IL7: variants seen among roughly 807,000 people sequenced by gnomAD.
IL7 encodes interleukin 7, also known as interleukin-7.
In IL7, 3 loss-of-function variants were observed where a neutral mutation model predicts 21.6. The ratio of observed to expected loss-of-function variants is 0.14; its 90% confidence interval spans 0.06 to 0.36. IL7 has a LOEUF of 0.36. IL7 is among the 10% of genes least tolerant of loss of function. IL7 has a pLI of 1.00. For synonymous variants in IL7, 62 were observed against 68.1 expected, an observed-to-expected ratio of 0.91 and a Z score of 0.44; for missense variants, 175 against 200.2, an observed-to-expected ratio of 0.87 and a Z score of 0.76.
intron 1 of IL7, among the ~76,000 whole-genome samples, 195 bp downstream of exon 1, chr8:78,804,718 G>A (rs1233424834): frequency 6.6e-6 from 1 of 152,192 alleles, no homozygotes; most frequent in Non-Finnish European, 1.5e-5. Flanking sequence ...GCCGCCCCAG[G>A]TTCAAGTGGC....
At chr8:78,692,157 CT>C (rs966536410) in intron 3 of IL7, among the ~76,000 whole-genome samples, 3 of 152,118 alleles carry the variant, frequency 2.0e-5, no homozygotes, top group Non-Finnish European at 4.4e-5. Flanking sequence ...AAACTTACCC[CT>C]TTGACCATCA....
At chr8:78,717,360 G>A (rs1400971480), downstream of IL7, 2 of 1,611,538 alleles carry the variant, frequency 1.2e-6, no homozygotes, top group Non-Finnish European at 1.7e-6. Context: ...TCCCTTAATG[G>A]TGGAAATATT....
rs139244633 is a variant in IL7 at position 78,737,181 on chromosome 8, A to G, written c.361-654T>C. On this transcript the variant is annotated intron_variant, in intron 4 of 5. Transcript: ENST00000263851. ...AGAAAGAATCACAAATATATAACAT[A>G]CCTAAGACCTTTACCTCTTAGTAGA... 5.7e-3 allele frequency among the ~76,000 whole-genome samples: 872 copies of G among 152,248 alleles called. 7 individuals are homozygous for G. The highest frequency in any genetic ancestry group is 0.02 in the African/African-American group (817 of 41,564).
chr8:78,801,225 A>G (rs939444086), intron 1 of IL7, among the ~76,000 whole-genome samples: 1 of 152,244 alleles, frequency 6.6e-6, no homozygotes. Flanking sequence ...AATAATAATT[A>G]TAATGCATGG....
intron 3 of IL7, chr8:78,712,036 CA>C (rs1379041365): frequency 7.8e-7 from 1 of 1,289,564 alleles, no homozygotes. Context: ...AAGACTTGTG[CA>C]AAGGTTGTAT....
At chr8:78,784,334 C>T (rs1270245607) in intron 2 of IL7, among the ~76,000 whole-genome samples, 1 of 152,138 alleles carries the variant, frequency 6.6e-6, no homozygotes, top group Non-Finnish European at 1.5e-5. Context: ...CACCCCAATC[C>T]TGGACTTCCA....
In IL7 at chr8:78,687,568, T is replaced by G. The variant is rs1290017521; in HGVS notation, n.215-1621A>C. Reference sequence around the variant, plus strand: ...ATAAATTTTATATTTACATAATAAATTATATATATTTACGTAATAAATTAT... The same window carrying G: ...ATAAATTTTATATTTACATAATAAAGTATATATATTTACGTAATAAATTAT... On this transcript the variant is annotated intron_variant and non_coding_transcript_variant, in intron 3 of 4. Coordinates refer to the IL7 transcript ENST00000523959. 2.8e-5 allele frequency among the ~76,000 whole-genome samples: 4 copies of G among 142,524 alleles called. No individual in the cohort carries two copies. The Admixed American group carries it at 2.9e-4, about 10-fold the overall frequency. The allele number at this position is 142,524 out of a possible 152,430, so 93.5% of individuals were successfully genotyped here. A position where few individuals can be genotyped will look rare whatever the true frequency, so the allele number is the denominator to read the frequency against.
chr8:78,686,618 A>G, intron 3 of IL7: 1 of 1,469,488 alleles, frequency 6.8e-7, no homozygotes, highest in Non-Finnish European at 9.0e-7. Context: ...GGTATTTGGA[A>G]TATTGTTGAC....
At chr8:78,717,146 T>TA (rs370508243), downstream of IL7, among the ~76,000 whole-genome samples, 14 of 151,326 alleles carry the variant, frequency 9.3e-5, no homozygotes, top group East Asian at 1.9e-4. Context: ...AATATAATGT[T>TA]AAAAAAAAAT....
downstream of IL7, among the ~76,000 whole-genome samples, chr8:78,715,697 A>C (rs1811079790): frequency 6.6e-6 from 1 of 152,172 alleles, no homozygotes; most frequent in African/African-American, 2.4e-5. Flanking sequence ...AACTAGAATC[A>C]GAAGGGAAGC....
chr8:78,782,104 C>A (rs1379378480), intron 2 of IL7, among the ~76,000 whole-genome samples: 1 of 152,122 alleles, frequency 6.6e-6, no homozygotes, highest in Non-Finnish European at 1.5e-5. Context: ...TTCTGGTTAA[C>A]AGCTTCTATA....
exon 5 of IL7, chr8:78,721,051 A>G (rs1235251350): frequency 6.6e-6 from 1 of 151,966 alleles, no homozygotes; most frequent in Non-Finnish European, 1.5e-5. Context: ...CTCTTTCTGG[A>G]TATGCAATGA....
At chr8:78,754,762 T>C (rs1447750712) in intron 2 of IL7, among the ~76,000 whole-genome samples, 2 of 152,274 alleles carry the variant, frequency 1.3e-5, no homozygotes, top group South Asian at 2.1e-4. Flanking sequence ...AATTTGCACA[T>C]ATTTTGTCTC....
rs1055534944 is a variant in IL7, at chr8:78,697,842, C to G, written n.215-11895G>C. ...TATAGGCGGGTGCCACCATGCCCAC[C>G]TAATTTTTTGTATTTTTAATAGAGA... is the stretch of plus-strand genomic sequence containing the variant. On this transcript the variant is annotated intron_variant and non_coding_transcript_variant, in intron 3 of 4. Transcript: ENST00000523959. Among the ~76,000 whole-genome samples the G allele has an allele frequency of 4.0e-4, 61 of 151,908 alleles. 1 individual carries two copies. Among genetic ancestry groups the G allele is most frequent in the Non-Finnish European group, 1.0e-4 (7 of 67,972 alleles).
chr8:78,697,482 A>G (rs1810462681), intron 3 of IL7: 1 of 1,608,492 alleles, frequency 6.2e-7, no homozygotes, highest in Non-Finnish European at 8.5e-7. Context: ...ACCGCAGCCA[A>G]GTGGCGCTGG....
At chr8:78,787,234 A>G (rs1192950787) in intron 2 of IL7, among the ~76,000 whole-genome samples, 1 of 152,156 alleles carries the variant, frequency 6.6e-6, no homozygotes, top group Non-Finnish European at 1.5e-5. Context: ...CAGGTTAGAC[A>G]TCCTAGGGTT....
chr8:78,799,630 C>T (rs72666871), intron 1 of IL7, among the ~76,000 whole-genome samples: 3 of 151,776 alleles, frequency 2.0e-5, no homozygotes, highest in African/African-American at 7.3e-5. Context: ...GTGTCAGGAA[C>T]TTTATATATA....
chr8:78,756,331 T>G (rs1328593608), intron 2 of IL7, among the ~76,000 whole-genome samples: 1 of 151,970 alleles, frequency 6.6e-6, no homozygotes, highest in Non-Finnish European at 1.5e-5. Context: ...CTTTGTAGAA[T>G]GAATTAAGAA....
intron 2 of IL7, among the ~76,000 whole-genome samples, chr8:78,745,297 C>T (rs994846461): frequency 1.1e-4 from 17 of 152,140 alleles, no homozygotes; most frequent in African/African-American, 3.9e-4. Flanking sequence ...TTTTTCTTTT[C>T]GTGTATGTGT....
Sources: gnomAD v4.1 joint callset for allele counts (sites outside exome capture counted in the v4.1 genomes callset) on GRCh38, gnomAD v4.1.1 for gene constraint, MANE v1.5 for transcripts, NCBI Gene and HGNC (gene_info 2026-07-23, HGNC 2026-07-21) for gene names.